PRR16: variants seen among roughly 807,000 people sequenced by gnomAD.
PRR16 encodes the protein protein Largen.
Under a neutral mutation model 18.2 loss-of-function variants are expected in PRR16, and 6 were observed. The ratio of observed to expected loss-of-function variants is 0.33; its 90% CI spans 0.18 to 0.65. PRR16 has a LOEUF of 0.65. Among genes scored for constraint, PRR16 ranks in the 30% least tolerant of loss-of-function variants. The probability of loss-of-function intolerance (pLI) is 0.74; values close to 1 mark genes in which losing one functional copy is unlikely to be tolerated. For synonymous variants in PRR16, 151 were observed against 147.8 expected (o/e 1.02, Z -0.16); for missense variants, 412 against 376.6 (o/e 1.09, Z -0.78).
chr5:120,558,037 T>C (rs984246258), intron 1 of PRR16, among the ~76,000 whole-genome samples: 2 of 151,828 alleles, frequency 1.3e-5, no homozygotes. Context: ...GTGTGTATAT[T>C]TATGGGGTAC....
chr5:120,716,118 A>T, the PRR16 span, among the ~76,000 whole-genome samples: 3 of 152,202 alleles, frequency 2.0e-5, no homozygotes, highest in Non-Finnish European at 4.4e-5. Flanking sequence ...ACATGAGGAA[A>T]TGTTCTCACT....
chr5:120,615,238 A>G (rs1457448845), intron 1 of PRR16, among the ~76,000 whole-genome samples: 1 of 152,170 alleles, frequency 6.6e-6, no homozygotes, highest in Non-Finnish European at 1.5e-5. Flanking sequence ...CTGGGATTAC[A>G]TAGCTAATGA....
chr5:120,671,100 C>T (rs181452540), intron 1 of PRR16, among the ~76,000 whole-genome samples: 1 of 152,116 alleles, frequency 6.6e-6, no homozygotes, highest in Non-Finnish European at 1.5e-5. Context: ...TACTAAAATC[C>T]TAAAATGTGC....
intron 1 of PRR16, among the ~76,000 whole-genome samples, chr5:120,545,546 CATAT>C (rs1417059056): frequency 6.6e-6 from 1 of 152,038 alleles, no homozygotes; most frequent in East Asian, 1.9e-4. Flanking sequence ...AATTATTAAA[CATAT>C]ATAAAATAAG....
chr5:120,609,574 T>G (rs1044330010), intron 1 of PRR16, among the ~76,000 whole-genome samples: 3 of 152,198 alleles, frequency 2.0e-5, no homozygotes, highest in African/African-American at 7.2e-5. Context: ...CTCAGTAATA[T>G]TAAAGTAAAA....
intron 1 of PRR16, among the ~76,000 whole-genome samples, chr5:120,516,108 A>C (rs1373723358): frequency 6.6e-6 from 1 of 152,124 alleles, no homozygotes; most frequent in African/African-American, 2.4e-5. Context: ...GCTAGAAAGC[A>C]AAACCAAACC....
At chr5:120,554,088 G>A (rs190120340) in intron 1 of PRR16, among the ~76,000 whole-genome samples, 38 of 151,932 alleles carry the variant, frequency 2.5e-4, no homozygotes, top group Admixed American at 2.1e-3. Flanking sequence ...CTGAAATTTA[G>A]AATCAAATTT....
At chr5:120,486,368 T>A (rs1749800257) in intron 1 of PRR16, among the ~76,000 whole-genome samples, 1 of 150,382 alleles carries the variant, frequency 6.6e-6, no homozygotes, top group Non-Finnish European at 1.5e-5. Flanking sequence ...GGTATCTCAC[T>A]GTGGTTTTGA....
At chr5:120,665,244 A>G in intron 1 of PRR16, among the ~76,000 whole-genome samples, 1 of 149,992 alleles carries the variant, frequency 6.7e-6, no homozygotes, top group Non-Finnish European at 1.5e-5. Flanking sequence ...TTTTGGCTAC[A>G]TAAATGTCTT....
chr5:120,745,023 T>C, the PRR16 span, among the ~76,000 whole-genome samples: 1 of 152,208 alleles, frequency 6.6e-6, no homozygotes, highest in South Asian at 2.1e-4. Context: ...AGAGTCTTGG[T>C]ATTTATCAGA....
chr5:120,555,153 A>T (rs573037195), intron 1 of PRR16, among the ~76,000 whole-genome samples: 9 of 152,032 alleles, frequency 5.9e-5, no homozygotes, highest in African/African-American at 2.2e-4. Flanking sequence ...ACAAGGCTAT[A>T]TTCTTATTCA....
At chr5:120,493,045 A>ATGAC in intron 1 of PRR16, among the ~76,000 whole-genome samples, 1 of 152,292 alleles carries the variant, frequency 6.6e-6, no homozygotes, top group East Asian at 1.9e-4. Flanking sequence ...TTTTCATATA[A>ATGAC]TGACTTCTTT....
At chr5:120,643,131 A>T (rs756842764) in intron 1 of PRR16, among the ~76,000 whole-genome samples, 2 of 152,080 alleles carry the variant, frequency 1.3e-5, no homozygotes, top group Non-Finnish European at 2.9e-5. Context: ...TGAGAATTCA[A>T]ATGTAAGCTT....
At chr5:120,567,109 G>T (rs1580732520) in intron 1 of PRR16, among the ~76,000 whole-genome samples, 2 of 152,116 alleles carry the variant, frequency 1.3e-5, no homozygotes, top group Admixed American at 1.3e-4. Flanking sequence ...TTATAAATTG[G>T]TGTAGAGGAA....
At chr5:120,623,040 ATAAAG>A (rs1330111001) in intron 1 of PRR16, among the ~76,000 whole-genome samples, 2 of 152,250 alleles carry the variant, frequency 1.3e-5, no homozygotes, top group Admixed American at 6.5e-5. Flanking sequence ...GAAAGGTAAT[ATAAAG>A]TAATGTATTG....
At chr5:120,480,145 C>T (rs576164335) in intron 1 of PRR16, among the ~76,000 whole-genome samples, 20 of 152,166 alleles carry the variant, frequency 1.3e-4, no homozygotes, top group African/African-American at 4.3e-4. Context: ...CACAGCAGTA[C>T]GAGCCTGTAA....
rs568509887 is a variant in PRR16, at chr5:120,510,501, A to G, written c.159+45856A>G. Among the ~76,000 whole-genome samples, 50 of 152,246 alleles carry G rather than the reference A, an allele frequency of 3.3e-4. No homozygotes were observed. The South Asian group carries it at 5.0e-3, about 15-fold the overall frequency. ...TGTGAGAGATTATTTTGCACTTCCT[A>G]TCATTTGTAGAAAAAGACTATGTCC... On this transcript the variant is annotated intron_variant, in intron 1 of 1. Coordinates refer to ENST00000407149, the MANE Select transcript of PRR16 (RefSeq NM_001300783.2).
At chr5:120,652,444 A>G (rs1321590907) in intron 1 of PRR16, among the ~76,000 whole-genome samples, 1 of 152,158 alleles carries the variant, frequency 6.6e-6, no homozygotes, top group Non-Finnish European at 1.5e-5. Context: ...GGAGAAACTG[A>G]CAAATACTAC....
chr5:120,638,310 A>G (rs1189271949), intron 1 of PRR16, among the ~76,000 whole-genome samples: 1 of 152,114 alleles, frequency 6.6e-6, no homozygotes, highest in Non-Finnish European at 1.5e-5. Context: ...ATCACAGGTT[A>G]TTTCGCCAAG....
Sources: allele counts gnomAD v4.1 joint callset (sites outside exome capture counted in the v4.1 genomes callset), GRCh38; gene constraint gnomAD v4.1.1; transcripts MANE v1.5; gene names NCBI Gene and HGNC (gene_info 2026-07-23, HGNC 2026-07-21).